Variants in KCNG3 observed in about 807,000 individuals in gnomAD.
The protein encoded by KCNG3 is potassium voltage-gated channel modifier subfamily G member 3.
In KCNG3, 15 loss-of-function variants were observed where a neutral mutation model predicts 29.0. That is an observed-to-expected ratio of 0.52 (90% CI 0.35 to 0.80). The LOEUF (loss-of-function observed/expected upper bound fraction) is 0.80, where lower values mean the gene tolerates loss of function less well. Ranked by LOEUF, KCNG3 falls within the 30% of genes least tolerant of loss-of-function variation. KCNG3 has a pLI of 0.01. For synonymous variants in KCNG3, 322 were observed against 248.9 expected (o/e 1.29, Z -2.76); for missense variants, 512 against 605.7 (o/e 0.85, Z 1.62).
the KCNG3 span, among the ~76,000 whole-genome samples, chr2:42,426,639 C>T: frequency 2.6e-5 from 4 of 152,336 alleles, no homozygotes; most frequent in African/African-American, 9.6e-5. Flanking sequence ...AGTCAAACAA[C>T]ACACACATAT....
chr2:42,441,772 T>C (rs139056975), downstream of KCNG3, among the ~76,000 whole-genome samples: 67 of 150,424 alleles, frequency 4.5e-4, no homozygotes, highest in African/African-American at 1.6e-3. Flanking sequence ...CCTATATGTA[T>C]GTATAAAATA....
At chr2:42,459,757 A>C (rs1672969685) in intron 1 of KCNG3, among the ~76,000 whole-genome samples, 3 of 152,168 alleles carry the variant, frequency 2.0e-5, no homozygotes, top group African/African-American at 7.2e-5. Context: ...CGGGTGGATC[A>C]TGAGGTCAGG....
At chr2:42,471,159 T>TGTGTGTGC (rs1283155162) in intron 1 of KCNG3, among the ~76,000 whole-genome samples, 1 of 123,726 alleles carries the variant, frequency 8.1e-6, no homozygotes, top group African/African-American at 3.6e-5. Flanking sequence ...CAAAAAAGTG[T>TGTGTGTGC]GTGTGTGTGT....
At chr2:42,388,791 C>T in the KCNG3 span, 1 of 152,222 alleles carries the variant, frequency 6.6e-6, no homozygotes, top group Non-Finnish European at 1.5e-5. Flanking sequence ...CAGTCTATGG[C>T]ACCCAATAGT....
At position 42,442,060 on chromosome 2, in the gene KCNG3, A is replaced by G. The variant is rs1672498479; in HGVS notation, c.*1874T>C. 1 of 152,146 alleles carries G rather than the reference A, an allele frequency of 6.6e-6. No homozygotes were observed. The highest frequency in any genetic ancestry group is 2.4e-5 in the African/African-American group (1 of 41,454). The allele number at this position is 152,146 out of a possible 1,614,324, so 9.4% of individuals were successfully genotyped here. A position where few individuals can be genotyped will look rare whatever the true frequency, so the allele number is the denominator to read the frequency against. ...TTATTAGTAATATGGAGGTGCTATC[A>G]TCTGCACATTGTTTGCATGAACCAC... On this transcript the variant is annotated 3_prime_UTR_variant, in exon 2 of 2. Transcript: ENST00000306078.
chr2:42,443,229 G>A lies in KCNG3; in HGVS notation c.*705C>T, dbSNP rs934886429. The A allele has an allele frequency of 6.6e-5, 10 of 152,280 alleles. No individual in the cohort carries two copies. The highest frequency in any genetic ancestry group is 2.6e-4 in the Admixed American group (4 of 15,280). 9.4% of individuals were successfully genotyped at this position (152,280 alleles called of 1,614,324 possible). A position where few individuals can be genotyped will look rare whatever the true frequency, so the allele number is the denominator to read the frequency against. ...AAGATGCTAAACAACACAAGCTCTCGTCAATTCTTAAATACCTTTTGAGTC... is the reference window on the plus strand; with the variant it reads ...AAGATGCTAAACAACACAAGCTCTCATCAATTCTTAAATACCTTTTGAGTC... On this transcript the variant is annotated 3_prime_UTR_variant, in exon 2 of 2. Coordinates refer to ENST00000306078, the MANE Select transcript of KCNG3 (RefSeq NM_133329.6).
chr2:42,433,703 AC>A, the KCNG3 span, among the ~76,000 whole-genome samples: 23 of 152,120 alleles, frequency 1.5e-4, no homozygotes, highest in Admixed American at 3.9e-4. Flanking sequence ...GTGCCACTGC[AC>A]TCCAGCCTGG....
At chr2:42,409,183 G>A in the KCNG3 span, among the ~76,000 whole-genome samples, 1 of 152,024 alleles carries the variant, frequency 6.6e-6, no homozygotes, top group Non-Finnish European at 1.5e-5. Context: ...CAGCCTGCCA[G>A]GCCAAGTGAG....
At chr2:42,431,234 C>T in the KCNG3 span, among the ~76,000 whole-genome samples, 1 of 151,926 alleles carries the variant, frequency 6.6e-6, no homozygotes, top group Non-Finnish European at 1.5e-5. Flanking sequence ...TCCTGCTATT[C>T]CTAAGAATAG....
chr2:42,427,458 T>C, the KCNG3 span, among the ~76,000 whole-genome samples: 40,975 of 151,616 alleles, frequency 0.27, 6,136 homozygotes, highest in East Asian at 0.58. Flanking sequence ...ATGCAAAAAT[T>C]AGCTGGGTGT....
the KCNG3 span, among the ~76,000 whole-genome samples, chr2:42,393,731 G>T: frequency 6.6e-6 from 1 of 152,124 alleles, no homozygotes. Context: ...AGTCTAGAAG[G>T]AGGAGGAAAG....
chr2:42,454,974 C>T (rs1372985355), intron 1 of KCNG3, among the ~76,000 whole-genome samples: 1 of 152,000 alleles, frequency 6.6e-6, no homozygotes, highest in Non-Finnish European at 1.5e-5. Flanking sequence ...TGTTTCATAA[C>T]AATATGAATA....
At chr2:42,441,893 G>A (rs1176529409), downstream of KCNG3, 1 of 130,524 alleles carries the variant, frequency 7.7e-6, no homozygotes, top group African/African-American at 2.8e-5. Flanking sequence ...GCCCAAGTCT[G>A]TAACAGACAC....
the KCNG3 span, among the ~76,000 whole-genome samples, chr2:42,425,818 G>A: frequency 4.6e-5 from 7 of 152,160 alleles, no homozygotes; most frequent in African/African-American, 1.4e-4. Context: ...CATTGTCACA[G>A]CCAGGAGACA....
At chr2:42,474,555 C>T (rs550117123) in intron 1 of KCNG3, among the ~76,000 whole-genome samples, 5 of 152,120 alleles carry the variant, frequency 3.3e-5, no homozygotes, top group South Asian at 2.1e-4. Flanking sequence ...ATTTTAAAAA[C>T]GGTTATGAAT....
chr2:42,413,353 A>C, the KCNG3 span, among the ~76,000 whole-genome samples: 1 of 152,144 alleles, frequency 6.6e-6, no homozygotes, highest in Non-Finnish European at 1.5e-5. Context: ...AGAGGAATTT[A>C]ATAGCAATAT....
chr2:42,469,979 A>T, intron 1 of KCNG3: 1 of 468,338 alleles, frequency 2.1e-6, no homozygotes, highest in East Asian at 3.9e-5. Context: ...ATACAGAGAG[A>T]CACATGGTGT....
chr2:42,394,200 T>C, the KCNG3 span, among the ~76,000 whole-genome samples: 9 of 152,174 alleles, frequency 5.9e-5, no homozygotes, highest in African/African-American at 2.2e-4. Flanking sequence ...CACATGACCA[T>C]GACATGCTGC....
chr2:42,405,440 G>C, the KCNG3 span, among the ~76,000 whole-genome samples: 6 of 150,242 alleles, frequency 4.0e-5, no homozygotes, highest in East Asian at 1.2e-3. Flanking sequence ...TCATTCTGCA[G>C]CATTTTTTTT....
Sources: gnomAD v4.1 joint callset for allele counts (sites outside exome capture counted in the v4.1 genomes callset) on GRCh38, gnomAD v4.1.1 for gene constraint, MANE v1.5 for transcripts, NCBI Gene and HGNC (gene_info 2026-07-23, HGNC 2026-07-21) for gene names.